Variants in TENM2 observed in about 807,000 individuals in gnomAD.
The protein encoded by TENM2 is teneurin-2.
TENM2 carries 52 observed loss-of-function variants against 245.2 expected under a neutral mutation model. The ratio of observed to expected loss-of-function variants is 0.21; its 90% CI spans 0.17 to 0.27. The LOEUF (loss-of-function observed/expected upper bound fraction) is 0.27, where lower values mean the gene tolerates loss of function less well. Among genes scored for constraint, TENM2 ranks in the 10% least tolerant of loss-of-function variants. The pLI is 1.00. For missense variants in TENM2, 3,046 were observed against 3,666.8 expected, an observed-to-expected ratio of 0.83 and a Z score of 4.37; for synonymous variants, 1,363 against 1,438.9, an observed-to-expected ratio of 0.95 and a Z score of 1.19.
At chr5:167,547,693 C>G (rs955012586) in intron 2 of TENM2, among the ~76,000 whole-genome samples, 2 of 152,140 alleles carry the variant, frequency 1.3e-5, no homozygotes, top group African/African-American at 4.8e-5. Flanking sequence ...TATGCCTGGT[C>G]CAAGGTCACA....
chr5:167,375,354 C>T (rs1241139962), exon 2 of TENM2: 2 of 1,551,566 alleles, frequency 1.3e-6, no homozygotes, highest in African/African-American at 1.4e-5. Context: ...CCAGAACACG[C>T]CATCAGACTG....
chr5:167,208,820 A>ATTGTTGG, the TENM2 span, among the ~76,000 whole-genome samples: 1 of 152,248 alleles, frequency 6.6e-6, no homozygotes, highest in Non-Finnish European at 1.5e-5. Flanking sequence ...AAATGACATC[A>ATTGTTGG]GACCATGCCA....
At chr5:167,145,752 G>A in the TENM2 span, among the ~76,000 whole-genome samples, 1 of 152,136 alleles carries the variant, frequency 6.6e-6, no homozygotes, top group Admixed American at 6.6e-5. Context: ...CAATGGGACT[G>A]AAAATCCTAC....
At chr5:167,992,638 G>A (rs896794400) in intron 4 of TENM2, among the ~76,000 whole-genome samples, 23 of 152,104 alleles carry the variant, frequency 1.5e-4, no homozygotes, top group Non-Finnish European at 7.3e-5. Context: ...ATAACACTTA[G>A]CATCCTCAAC....
intron 2 of TENM2, among the ~76,000 whole-genome samples, chr5:167,857,009 T>C (rs28580528): frequency 0.14 from 21,843 of 152,110 alleles, 1,679 homozygotes; most frequent in Middle Eastern, 0.17. Context: ...ATGGAAAGAT[T>C]AAAACAGTGC....
chr5:168,094,918 G>T (rs577261344), intron 8 of TENM2, among the ~76,000 whole-genome samples: 74 of 151,938 alleles, frequency 4.9e-4, no homozygotes, highest in Admixed American at 1.1e-3. Context: ...ATCATAGGAG[G>T]GCAAACCCTA....
intron 5 of TENM2, among the ~76,000 whole-genome samples, chr5:168,020,563 A>T (rs991070589): frequency 3.3e-5 from 5 of 152,088 alleles, no homozygotes; most frequent in Admixed American, 6.5e-5. Flanking sequence ...ACTGAGAGCC[A>T]TTTGATTTTT....
chr5:168,182,848 TG>T lies in TENM2; in HGVS notation c.2570-7488del, dbSNP rs1427097367. Among the ~76,000 whole-genome samples, 765 of 120,964 alleles carry T rather than the reference TG, an allele frequency of 6.3e-3. 10 individuals are homozygous for T. The highest frequency in any genetic ancestry group is 0.027 in the African/African-American group (695 of 25,890). The allele number at this position is 120,964 out of a possible 152,430, so 79.4% of individuals were successfully genotyped here. A position where few individuals can be genotyped will look rare whatever the true frequency, so the allele number is the denominator to read the frequency against. ...CTCTTTTTTTTTTTTTTTTTTTTTT[TG>T]AGACAGAGTCTCACCCTGTCACCCA... On this transcript the variant is annotated intron_variant, in intron 13 of 28. Coordinates refer to ENST00000518659, the Ensembl canonical transcript of TENM2.
rs180951778 is a variant in TENM2, at chr5:167,476,773, A to G, written c.502+101300A>G. On this transcript the variant is annotated intron_variant, in intron 2 of 28. Transcript: ENST00000518659. ...GCTGTCACGCCCAGCTAAATTTTCT[A>G]TTTTTAATAGAGACAGGTTTTCACC... Among the ~76,000 whole-genome samples, 491 of 151,958 alleles carry G rather than the reference A, an allele frequency of 3.2e-3. 2 individuals are homozygous for G. The highest frequency in any genetic ancestry group is 0.011 in the African/African-American group (464 of 41,460).
chr5:167,845,085 G>C (rs1344664497), intron 2 of TENM2, among the ~76,000 whole-genome samples: 2 of 151,948 alleles, frequency 1.3e-5, no homozygotes, highest in African/African-American at 4.8e-5. Flanking sequence ...GTTCAGTCTT[G>C]TTTGTCATTT....
intron 2 of TENM2, among the ~76,000 whole-genome samples, chr5:167,830,540 C>G (rs1375550663): frequency 6.6e-6 from 1 of 152,150 alleles, no homozygotes; most frequent in Non-Finnish European, 1.5e-5. Context: ...TCAGAGACAG[C>G]CTGTGGCCTC....
chr5:167,930,703 A>AT (rs945103572), intron 3 of TENM2, among the ~76,000 whole-genome samples: 10 of 151,926 alleles, frequency 6.6e-5, no homozygotes, highest in South Asian at 6.2e-4. Context: ...GGCTGGTAGA[A>AT]TTTTTTTTAA....
chr5:167,513,365 C>T (rs991116029), intron 2 of TENM2, among the ~76,000 whole-genome samples: 1 of 151,966 alleles, frequency 6.6e-6, no homozygotes, highest in Non-Finnish European at 1.5e-5. Flanking sequence ...GAGTAAAATT[C>T]GGTAAAAGGA....
rs565669007 is a variant in TENM2 at position 168,121,326 on chromosome 5, T to C, written c.2008+2840T>C. On this transcript the variant is annotated intron_variant, in intron 10 of 28. Coordinates refer to ENST00000518659, the Ensembl canonical transcript of TENM2. Reference sequence around the variant, plus strand: ...ATTTATAAAGCTTCGTAAAATGCCATAGTCCCTCCTGCCTGCTAAAGGCTC... The same window carrying C: ...ATTTATAAAGCTTCGTAAAATGCCACAGTCCCTCCTGCCTGCTAAAGGCTC... Among the ~76,000 whole-genome samples the C allele has an allele frequency of 2.2e-3, 331 of 152,322 alleles. 6 individuals are homozygous for C. The highest frequency in any genetic ancestry group is 5.9e-4 in the Non-Finnish European group (40 of 68,032).
intron 1 of TENM2, among the ~76,000 whole-genome samples, chr5:167,334,236 G>T (rs1481522133): frequency 1.3e-5 from 2 of 152,132 alleles, no homozygotes; most frequent in Non-Finnish European, 2.9e-5. Flanking sequence ...GGTGGAGTTG[G>T]GTTCTAGCCC....
chr5:167,804,742 G>T (rs1766025802), intron 2 of TENM2, among the ~76,000 whole-genome samples: 1 of 152,022 alleles, frequency 6.6e-6, no homozygotes, highest in Admixed American at 6.6e-5. Flanking sequence ...CTAAACAAAT[G>T]AATCACGGCA....
chr5:168,027,856 T>A (rs879543089), intron 5 of TENM2, among the ~76,000 whole-genome samples: 1 of 152,188 alleles, frequency 6.6e-6, no homozygotes, highest in Admixed American at 6.6e-5. Flanking sequence ...TTGTTCTTCC[T>A]GTCTAAGAAG....
chr5:167,099,748 T>C, the TENM2 span, among the ~76,000 whole-genome samples: 5 of 152,158 alleles, frequency 3.3e-5, no homozygotes, highest in South Asian at 2.1e-4. Flanking sequence ...TACACATATT[T>C]TTGAAGCAGA....
At chr5:167,253,090 T>A in the TENM2 span, among the ~76,000 whole-genome samples, 57 of 151,920 alleles carry the variant, frequency 3.8e-4, no homozygotes, top group Non-Finnish European at 6.0e-4. Context: ...GGTGTCTTTT[T>A]TTATTATTAT....
Sources: gnomAD v4.1 joint callset for allele counts (sites outside exome capture counted in the v4.1 genomes callset) on GRCh38, gnomAD v4.1.1 for gene constraint, MANE v1.5 for transcripts, NCBI Gene and HGNC (gene_info 2026-07-23, HGNC 2026-07-21) for gene names.